Variants in LRBA observed in about 807,000 individuals in gnomAD.
LRBA encodes LPS responsive beige-like anchor protein.
LRBA carries 176 observed loss-of-function variants against 330.0 expected under a neutral mutation model. The observed-to-expected ratio is 0.53, with a 90% CI of 0.47 to 0.60. The LOEUF (loss-of-function observed/expected upper bound fraction) is 0.60, where lower values mean the gene tolerates loss of function less well. Ranked by LOEUF, LRBA falls within the 20% of genes least tolerant of loss-of-function variation. LRBA has a pLI of 0.00. For missense variants in LRBA, 3,259 were observed against 3,444.8 expected (o/e 0.95, Z 1.35); for synonymous variants, 1,230 against 1,193.0 (o/e 1.03, Z -0.64).
chr4:150,461,716 G>C (rs994689737), intron 44 of LRBA, among the ~76,000 whole-genome samples: 1 of 151,658 alleles, frequency 6.6e-6, no homozygotes, highest in Admixed American at 6.6e-5. Context: ...CAAGATAATT[G>C]GGTTTTCATT....
At chr4:150,869,361 G>A (rs1287283372) in intron 20 of LRBA, among the ~76,000 whole-genome samples, 2 of 152,098 alleles carry the variant, frequency 1.3e-5, no homozygotes, top group African/African-American at 4.8e-5. Flanking sequence ...TATTGTAATG[G>A]TCTTAGCATA....
intron 38 of LRBA, among the ~76,000 whole-genome samples, chr4:150,594,017 TTTCA>T (rs1302583844): frequency 1.3e-5 from 2 of 152,130 alleles, no homozygotes; most frequent in Admixed American, 6.6e-5. Flanking sequence ...TGAATTAAAG[TTTCA>T]TTAAAAATTT....
At chr4:151,010,218 C>T (rs1171183996) in intron 2 of LRBA, among the ~76,000 whole-genome samples, 1 of 151,940 alleles carries the variant, frequency 6.6e-6, no homozygotes, top group Admixed American at 6.6e-5. Flanking sequence ...TATTTGTCAC[C>T]AGCTCATGGG....
intron 17 of LRBA, among the ~76,000 whole-genome samples, chr4:150,880,785 CTG>C (rs890019756): frequency 2.0e-5 from 3 of 152,158 alleles, no homozygotes; most frequent in African/African-American, 7.2e-5. Context: ...TACTGACAAA[CTG>C]TGCATTTGAC....
At chr4:150,434,614 G>A (rs1750856188) in intron 46 of LRBA, among the ~76,000 whole-genome samples, 1 of 152,120 alleles carries the variant, frequency 6.6e-6, no homozygotes, top group Non-Finnish European at 1.5e-5. Context: ...CCAGCACTTT[G>A]GGTGGCTGAG....
intron 17 of LRBA, among the ~76,000 whole-genome samples, chr4:150,886,503 C>G (rs1728951378): frequency 6.6e-6 from 1 of 152,176 alleles, no homozygotes; most frequent in South Asian, 2.1e-4. Context: ...CCATCCAATT[C>G]TCAGCCTAAT....
At chr4:150,717,553 G>A (rs185346761) in intron 36 of LRBA, among the ~76,000 whole-genome samples, 8 of 151,554 alleles carry the variant, frequency 5.3e-5, no homozygotes, top group South Asian at 2.1e-4. Context: ...CCAGCTACTC[G>A]GGAGGCTGAG....
At chr4:150,483,731 C>T (rs529558752) in intron 42 of LRBA, among the ~76,000 whole-genome samples, 2 of 152,184 alleles carry the variant, frequency 1.3e-5, no homozygotes, top group East Asian at 3.9e-4. Context: ...CTGGAGAAAA[C>T]TGACATCTTA....
At chr4:150,858,527 CTTT>C (rs1014169321) in intron 22 of LRBA, among the ~76,000 whole-genome samples, 3 of 152,102 alleles carry the variant, frequency 2.0e-5, no homozygotes, top group East Asian at 1.9e-4. Flanking sequence ...CATTTTGTAA[CTTT>C]TTTATTTTTG....
At chr4:150,603,582 C>A (rs1394384198) in intron 37 of LRBA, among the ~76,000 whole-genome samples, 1 of 152,154 alleles carries the variant, frequency 6.6e-6, no homozygotes, top group Non-Finnish European at 1.5e-5. Context: ...CAGCCTCTAA[C>A]TTTTGGGCTC....
intron 17 of LRBA, among the ~76,000 whole-genome samples, chr4:150,881,741 G>GT (rs1560956185): frequency 6.6e-6 from 1 of 151,810 alleles, no homozygotes; most frequent in East Asian, 1.9e-4. Context: ...ATATTTTAAC[G>GT]TATCAAAAAA....
chr4:150,682,410 A>T (rs115356288), intron 37 of LRBA, among the ~76,000 whole-genome samples: 60 of 152,176 alleles, frequency 3.9e-4, no homozygotes, highest in African/African-American at 1.3e-3. Context: ...AAACAAACAA[A>T]CATGGTTCCT....
At chr4:150,671,754 A>T (rs972055573) in intron 37 of LRBA, among the ~76,000 whole-genome samples, 3 of 152,194 alleles carry the variant, frequency 2.0e-5, no homozygotes, top group African/African-American at 7.2e-5. Flanking sequence ...AAGTAAGTTC[A>T]TAGAAGGCTT....
At chr4:150,770,255 A>T (rs908379078) in intron 34 of LRBA, among the ~76,000 whole-genome samples, 1 of 152,146 alleles carries the variant, frequency 6.6e-6, no homozygotes, top group African/African-American at 2.4e-5. Context: ...TAAGTTTTAG[A>T]CAGCAGATCA....
chr4:150,583,984 T>C lies in LRBA; in HGVS notation c.6330+4064A>G, dbSNP rs777985059. ...CCTGCAGTGCCGCCGCTGCCCTCACTACTTTCTGCCCAACCTCGACCTCTT... is the reference window on the plus strand; with the variant it reads ...CCTGCAGTGCCGCCGCTGCCCTCACCACTTTCTGCCCAACCTCGACCTCTT... On this transcript the variant is annotated intron_variant, in intron 40 of 56. Coordinates refer to ENST00000651943, the MANE Select transcript of LRBA (RefSeq NM_001364905.1). The surrounding 1 kb of genome is among the most constrained non-coding windows in gnomAD (Gnocchi z 9.8). The C allele has an allele frequency of 1.2e-6, 2 of 1,614,164 alleles. No homozygotes were observed. The highest frequency in any genetic ancestry group is 1.7e-6 in the Non-Finnish European group (2 of 1,180,008).
At chr4:150,972,175 T>TA (rs1739652109) in intron 2 of LRBA, among the ~76,000 whole-genome samples, 1 of 152,192 alleles carries the variant, frequency 6.6e-6, no homozygotes, top group Non-Finnish European at 1.5e-5. Flanking sequence ...AGTAAAGGAT[T>TA]AATCATAAAA....
At chr4:150,466,238 G>A (rs1755440057) in intron 44 of LRBA, among the ~76,000 whole-genome samples, 2 of 152,130 alleles carry the variant, frequency 1.3e-5, no homozygotes, top group Non-Finnish European at 2.9e-5. Context: ...CCTGTGGATA[G>A]AGAGTAGGAA....
At chr4:150,443,847 T>TAAAAAAAAAA (rs376721928) in intron 44 of LRBA, among the ~76,000 whole-genome samples, 242 of 53,678 alleles carry the variant, frequency 4.5e-3, no homozygotes, top group African/African-American at 1.0e-2. Flanking sequence ...AAAGTATAAT[T>TAAAAAAAAAA]AAAAAAATAT....
intron 46 of LRBA, among the ~76,000 whole-genome samples, chr4:150,433,634 T>C (rs1750723274): frequency 6.6e-6 from 1 of 152,162 alleles, no homozygotes; most frequent in Non-Finnish European, 1.5e-5. Flanking sequence ...CACATAAGTC[T>C]TCAATTTCAT....
Sources: allele counts gnomAD v4.1 joint callset (sites outside exome capture counted in the v4.1 genomes callset), GRCh38; gene constraint gnomAD v4.1.1; non-coding constraint Gnocchi (gnomAD v3.1); transcripts MANE v1.5; gene names NCBI Gene and HGNC (gene_info 2026-07-23, HGNC 2026-07-21).